LITAF: variants seen among roughly 807,000 people sequenced by gnomAD.
The protein encoded by LITAF is lipopolysaccharide induced TNF factor.
LITAF carries 9 observed loss-of-function variants against 14.5 expected under a neutral mutation model. That is an observed-to-expected ratio of 0.62 (90% CI 0.37 to 1.08). The LOEUF (loss-of-function observed/expected upper bound fraction) is 1.08, where lower values mean the gene tolerates loss of function less well. LITAF is among the 50% of genes least tolerant of loss of function. The pLI, the probability that LITAF is intolerant of heterozygous loss-of-function variation, is 0.01. For synonymous variants in LITAF, 98 were observed against 88.2 expected, an observed-to-expected ratio of 1.11 and a Z score of -0.62; for missense variants, 206 against 213.4, an observed-to-expected ratio of 0.97 and a Z score of 0.22.
chr16:11,573,223 C>T (rs1387835079), intron 1 of LITAF, among the ~76,000 whole-genome samples: 1 of 152,126 alleles, frequency 6.6e-6, no homozygotes, highest in Non-Finnish European at 1.5e-5. Flanking sequence ...AGCCACTGCA[C>T]CCGGCCATAA....
chr16:11,625,651 G>A (rs2065079098), intron 3 of LITAF, among the ~76,000 whole-genome samples: 1 of 152,174 alleles, frequency 6.6e-6, no homozygotes, highest in African/African-American at 2.4e-5. Flanking sequence ...GAAACCCTGA[G>A]TTCCCCTAGG....
At chr16:11,582,608 T>C (rs2064755295) in intron 1 of LITAF, among the ~76,000 whole-genome samples, 2 of 152,080 alleles carry the variant, frequency 1.3e-5, no homozygotes, top group Non-Finnish European at 2.9e-5. Context: ...CCCATGAATA[T>C]GTATATCGCA....
chr16:11,557,851 G>A (rs2064298490), intron 1 of LITAF, among the ~76,000 whole-genome samples: 1 of 152,158 alleles, frequency 6.6e-6, no homozygotes, highest in Non-Finnish European at 1.5e-5. Context: ...CTTTTGTGAG[G>A]GCAAAGAAAG....
chr16:11,584,520 TCAAC>T (rs2064781160), intron 1 of LITAF, among the ~76,000 whole-genome samples: 1 of 152,316 alleles, frequency 6.6e-6, no homozygotes, highest in Non-Finnish European at 1.5e-5. Flanking sequence ...TTTACTGTCT[TCAAC>T]CACCTGGGCT....
chr16:11,610,374 G>T (rs1287719683), intron 3 of LITAF, among the ~76,000 whole-genome samples: 2 of 152,104 alleles, frequency 1.3e-5, no homozygotes, highest in Admixed American at 6.6e-5. Flanking sequence ...GTTGGTGGGG[G>T]TGAGGATCGG....
chr16:11,553,369 C>T lies in LITAF; in HGVS notation c.377+164G>A, dbSNP rs2064211737. ...GGGGTTACAGTGAGCCGAGATCGCC[C>T]CACTGTACTCCAGCCTGGGCGACAG... On this transcript the variant is annotated intron_variant, in intron 3 of 3. Coordinates refer to ENST00000622633, the MANE Select transcript of LITAF (RefSeq NM_001136472.2). The surrounding 1 kb of genome is among the most constrained non-coding windows in gnomAD (Gnocchi z 7.7). 1.4e-6 allele frequency: 1 copy of T among 732,842 alleles called. No individual in the cohort carries two copies. The highest frequency in any genetic ancestry group is 2.3e-6 in the Non-Finnish European group (1 of 435,198). 45.4% of individuals were successfully genotyped at this position (732,842 alleles called of 1,614,324 possible).
chr16:11,637,902 ATATATATATATC>A (rs1201866830), upstream of LITAF, among the ~76,000 whole-genome samples: 2 of 62,494 alleles, frequency 3.2e-5, no homozygotes, highest in Non-Finnish European at 5.6e-5. Flanking sequence ...AAAAAACTAT[ATATATATATATC>A]TATATCTATA....
intron 3 of LITAF, among the ~76,000 whole-genome samples, chr16:11,626,077 G>A (rs1178918873): frequency 6.6e-6 from 1 of 152,022 alleles, no homozygotes; most frequent in Non-Finnish European, 1.5e-5. Flanking sequence ...TGGGCTGATT[G>A]ATGAAAGTTC....
chr16:11,638,114 C>CTATA (rs1483264643), upstream of LITAF, among the ~76,000 whole-genome samples: 1 of 61,374 alleles, frequency 1.6e-5, no homozygotes, highest in Non-Finnish European at 2.8e-5. Flanking sequence ...ATATATCTAT[C>CTATA]TATATAGATA....
At chr16:11,625,347 C>G (rs2065077561) in intron 3 of LITAF, among the ~76,000 whole-genome samples, 1 of 151,630 alleles carries the variant, frequency 6.6e-6, no homozygotes, top group African/African-American at 2.4e-5. Context: ...ACTGCAGCCT[C>G]TGCCTCCTAG....
rs2064950457 is a variant in LITAF, at chr16:11,605,454, G to A, written c.85+28079C>T. Reference sequence around the variant, plus strand: ...CCTGGGCTCCCTTCACAGTGTGGGGGACCCCTTCCCAGCCCCGTGTCTCTC... The same window carrying A: ...CCTGGGCTCCCTTCACAGTGTGGGGAACCCCTTCCCAGCCCCGTGTCTCTC... On this transcript the variant is annotated intron_variant, in intron 3 of 3. Transcript: ENST00000574848. This position sits in a 1 kb window ranked among gnomAD's most constrained non-coding sequence, Gnocchi z 4.7. 6.6e-6 allele frequency among the ~76,000 whole-genome samples: 1 copy of A among 152,146 alleles called. No individual in the cohort carries two copies.
At chr16:11,595,761 G>A (rs775760826) in intron 1 of LITAF, among the ~76,000 whole-genome samples, 4 of 152,072 alleles carry the variant, frequency 2.6e-5, no homozygotes, top group Non-Finnish European at 5.9e-5. Flanking sequence ...AAAAAAACAG[G>A]TAAAACTATG....
At chr16:11,627,886 A>G in intron 3 of LITAF, among the ~76,000 whole-genome samples, 1 of 151,842 alleles carries the variant, frequency 6.6e-6, no homozygotes, top group Admixed American at 6.6e-5. Flanking sequence ...GCGTGGTACC[A>G]CACATCTGTA....
chr16:11,624,024 C>G (rs1435000334), intron 3 of LITAF, among the ~76,000 whole-genome samples: 1 of 152,136 alleles, frequency 6.6e-6, no homozygotes, highest in African/African-American at 2.4e-5. Context: ...ATGGCTCACA[C>G]TTGTAATCCC....
chr16:11,572,430 T>C (rs574969333), intron 1 of LITAF, among the ~76,000 whole-genome samples: 1 of 151,874 alleles, frequency 6.6e-6, no homozygotes. Flanking sequence ...GGGCTGAATA[T>C]CGTCAGCGAG....
chr16:11,580,097 T>C (rs1006256086), intron 1 of LITAF, among the ~76,000 whole-genome samples: 2 of 152,190 alleles, frequency 1.3e-5, no homozygotes, highest in Non-Finnish European at 2.9e-5. Context: ...GGATTTTGGA[T>C]TTTTGGATTA....
Position 11,547,920 on chromosome 16 carries a change from C to A in LITAF, c.*1717G>T, listed in dbSNP as rs984080626. 2.2e-6 allele frequency: 1 copy of A among 454,104 alleles called. No individual in the cohort carries two copies. The highest frequency in any genetic ancestry group is 4.4e-6 in the Non-Finnish European group (1 of 226,790). 28.1% of individuals were successfully genotyped at this position (454,104 alleles called of 1,614,324 possible). ...GGAAGGATTTTCTACCGTTACTGAACAAATAAAGGTTCTTTGTAGCAATGG... is the reference window on the plus strand; with the variant it reads ...GGAAGGATTTTCTACCGTTACTGAAAAAATAAAGGTTCTTTGTAGCAATGG... On this transcript the variant is annotated 3_prime_UTR_variant, in exon 4 of 4. Coordinates refer to ENST00000622633, the MANE Select transcript of LITAF (RefSeq NM_001136472.2).
At chr16:11,578,624 C>T (rs1157889725) in intron 1 of LITAF, among the ~76,000 whole-genome samples, 1 of 152,212 alleles carries the variant, frequency 6.6e-6, no homozygotes, top group African/African-American at 2.4e-5. Context: ...ATCAGGAATA[C>T]TTTACTCTCT....
intron 1 of LITAF, among the ~76,000 whole-genome samples, chr16:11,562,003 G>A (rs1271484533): frequency 1.3e-5 from 2 of 151,978 alleles, no homozygotes; most frequent in Admixed American, 1.3e-4. Flanking sequence ...GCCACAGCCT[G>A]AAACTCGTAG....
Sources: allele counts gnomAD v4.1 joint callset (sites outside exome capture counted in the v4.1 genomes callset), GRCh38; gene constraint gnomAD v4.1.1; non-coding constraint Gnocchi (gnomAD v3.1); transcripts MANE v1.5; gene names NCBI Gene and HGNC (gene_info 2026-07-23, HGNC 2026-07-21).